The following CYTH1 variants were observed in gnomAD, a reference collection of about 807,000 sequenced individuals.
The protein encoded by CYTH1 is cytohesin 1.
Under a neutral mutation model 61.8 loss-of-function variants are expected in CYTH1, and 18 were observed. The ratio of observed to expected loss-of-function variants is 0.29; its 90% CI spans 0.20 to 0.43. The LOEUF is 0.43. Ranked by LOEUF, CYTH1 falls within the 20% of genes least tolerant of loss-of-function variation. The pLI is 1.00. For missense variants in CYTH1, 336 were observed against 510.5 expected, an observed-to-expected ratio of 0.66 and a Z score of 3.29; for synonymous variants, 174 against 184.3, an observed-to-expected ratio of 0.94 and a Z score of 0.45.
chr17:78,716,487 A>G (rs895463928), intron 1 of CYTH1, among the ~76,000 whole-genome samples: 5 of 152,110 alleles, frequency 3.3e-5, no homozygotes, highest in African/African-American at 9.7e-5. Flanking sequence ...TTTTGATCCA[A>G]TCTCCTGACA....
At position 78,698,507 on chromosome 17, in the gene CYTH1, TAGA is replaced by T. The variant is rs1163013862; in HGVS notation, c.700-130_700-128del. On this transcript the variant is annotated intron_variant, in intron 8 of 13. Transcript: ENST00000446868. The stretch of plus-strand genomic sequence containing the variant: ...AGCCAAGCCTGCTAGATGCTGAGAC[TAGA>T]AGATTATGACCATTTCTGCTTTCAG... 1.4e-5 allele frequency: 11 copies of T among 758,890 alleles called. No homozygotes were observed. In the East Asian group the frequency reaches 2.4e-4, roughly 16 times the overall value. The allele number at this position is 758,890 out of a possible 1,614,324, so 47.0% of individuals were successfully genotyped here. A position where few individuals can be genotyped will look rare whatever the true frequency, so the allele number is the denominator to read the frequency against.
chr17:78,758,366 C>T (rs1444572545), intron 1 of CYTH1, among the ~76,000 whole-genome samples: 1 of 152,168 alleles, frequency 6.6e-6, no homozygotes, highest in Non-Finnish European at 1.5e-5. Flanking sequence ...GACATGCCCC[C>T]ATTGAGGAGA....
intron 1 of CYTH1, 62 bp downstream of exon 1, chr17:78,782,140 C>T: frequency 8.0e-7 from 1 of 1,249,320 alleles, no homozygotes; most frequent in Non-Finnish European, 1.0e-6. Context: ...TGCCGGACGG[C>T]CGGGCCCGGA....
chr17:78,706,908 C>G (rs2093072740), intron 3 of CYTH1, among the ~76,000 whole-genome samples: 1 of 152,192 alleles, frequency 6.6e-6, no homozygotes, highest in Non-Finnish European at 1.5e-5. Context: ...GGCTGCCTTT[C>G]TATCATATAT....
At chr17:78,781,449 G>A (rs746150682) in intron 1 of CYTH1, among the ~76,000 whole-genome samples, 3 of 152,212 alleles carry the variant, frequency 2.0e-5, no homozygotes, top group African/African-American at 4.8e-5. Context: ...CGAAGGGAGC[G>A]GGACAGCGGC....
Position 78,680,206 on chromosome 17 carries a change from A to C in CYTH1, c.1102T>G (p.Trp368Gly). 1 of 1,612,870 alleles carries C rather than the reference A, an allele frequency of 6.2e-7. No individual in the cohort carries two copies. The highest frequency in any genetic ancestry group is 1.7e-5 in the Admixed American group (1 of 59,904). The change falls in exon 13 of 14, where the codon TGG becomes GGG. Residue 368 changes from tryptophan (W) to glycine (G), a missense_variant. Physicochemically the swap from Trp to Gly is radical, Grantham distance 184. Around this residue, in one of 4 missense-constraint regions of CYTH1, gnomAD observed 83 missense variants for 115.6 expected, o/e 0.72. Coordinates refer to ENST00000446868, the MANE Select transcript of CYTH1 (RefSeq NM_004762.6). ...SAPTPEEKEE[W>G]IKCIKAAISR... is the part of the protein sequence containing the mutation. Reference sequence around the variant, plus strand: ...GTCACTTACTTAATGCACTTAATCCACTCCTCCTTCTCCTCGGGCGTCGGA... The same window carrying C: ...GTCACTTACTTAATGCACTTAATCCCCTCCTCCTTCTCCTCGGGCGTCGGA...
chr17:78,718,368 G>GT (rs2093201078), intron 1 of CYTH1, among the ~76,000 whole-genome samples: 2 of 152,072 alleles, frequency 1.3e-5, no homozygotes, highest in Non-Finnish European at 2.9e-5. Flanking sequence ...ACTACCACCT[G>GT]CTCAGAGGAG....
At chr17:78,742,923 GATT>G (rs2093346756) in intron 1 of CYTH1, among the ~76,000 whole-genome samples, 1 of 152,116 alleles carries the variant, frequency 6.6e-6, no homozygotes, top group South Asian at 2.1e-4. Flanking sequence ...GCACAGTGTG[GATT>G]ATCATTTAAA....
chr17:78,682,726 G>A (rs2092776146), intron 11 of CYTH1, among the ~76,000 whole-genome samples: 1 of 152,208 alleles, frequency 6.6e-6, no homozygotes, highest in Non-Finnish European at 1.5e-5. Context: ...CCTGCCTTCA[G>A]CATTCAATAT....
chr17:78,761,446 C>G (rs1484204706), intron 1 of CYTH1, among the ~76,000 whole-genome samples: 1 of 152,100 alleles, frequency 6.6e-6, no homozygotes, highest in Non-Finnish European at 1.5e-5. Context: ...CTTTAAAAAT[C>G]AAGAGGCAGG....
At chr17:78,757,149 T>C (rs1216332205) in intron 1 of CYTH1, among the ~76,000 whole-genome samples, 1 of 152,018 alleles carries the variant, frequency 6.6e-6, no homozygotes, top group Non-Finnish European at 1.5e-5. Context: ...AAGGTTTCAC[T>C]GTGTTAGCCA....
intron 13 of CYTH1, chr17:78,677,353 G>C (rs1039535543): frequency 1.6e-5 from 4 of 244,800 alleles, no homozygotes; most frequent in African/African-American, 9.3e-5. Context: ...AGGCGATGAG[G>C]GGGGCTGGGC....
At chr17:78,727,124 C>T (rs779033428) in intron 1 of CYTH1, among the ~76,000 whole-genome samples, 4 of 152,206 alleles carry the variant, frequency 2.6e-5, no homozygotes, top group Non-Finnish European at 5.9e-5. Context: ...GCAGTTTCAT[C>T]AGCATCCCAA....
At chr17:78,689,499 T>C (rs2092853719) in intron 11 of CYTH1, among the ~76,000 whole-genome samples, 1 of 152,160 alleles carries the variant, frequency 6.6e-6, no homozygotes, top group African/African-American at 2.4e-5. Context: ...TCTGACAGGA[T>C]GTGGAGCTCA....
chr17:78,730,531 C>T (rs1228751420), intron 1 of CYTH1, among the ~76,000 whole-genome samples: 3 of 148,980 alleles, frequency 2.0e-5, no homozygotes, highest in East Asian at 4.0e-4. Context: ...AGCGAGACTC[C>T]GTCTCAAAAA....
chr17:78,704,547 G>C (rs1057451687), intron 3 of CYTH1, among the ~76,000 whole-genome samples: 1 of 152,144 alleles, frequency 6.6e-6, no homozygotes, highest in Non-Finnish European at 1.5e-5. Context: ...TACAGGCAGG[G>C]TCTTGCTCTG....
chr17:78,704,944 C>A (rs935649292), intron 3 of CYTH1, among the ~76,000 whole-genome samples: 2 of 152,180 alleles, frequency 1.3e-5, no homozygotes, highest in Non-Finnish European at 2.9e-5. Flanking sequence ...GGGGAAACAC[C>A]ATTTAATTTC....
chr17:78,766,699 CAGA>C (rs1389257384), intron 1 of CYTH1, among the ~76,000 whole-genome samples: 1 of 152,146 alleles, frequency 6.6e-6, no homozygotes, highest in Non-Finnish European at 1.5e-5. Context: ...TATCCACTCC[CAGA>C]AGAAAGAACG....
rs138500101 is a variant in CYTH1 at position 78,756,335 on chromosome 17, C to T, written c.22+25867G>A. Among the ~76,000 whole-genome samples the T allele has an allele frequency of 6.7e-3, 1,020 of 152,170 alleles. 6 individuals carry two copies. The highest frequency in any genetic ancestry group is 0.011 in the Non-Finnish European group (775 of 68,006). ...AAGTGATCCACTCGCCTCGGCCTCTCGAAGTGCTGGGATTACAGGCATGAG... is the reference window on the plus strand; with the variant it reads ...AAGTGATCCACTCGCCTCGGCCTCTTGAAGTGCTGGGATTACAGGCATGAG... On this transcript the variant is annotated intron_variant, in intron 1 of 13. Transcript: ENST00000446868.
Sources: gnomAD v4.1 joint callset for allele counts (sites outside exome capture counted in the v4.1 genomes callset) on GRCh38, gnomAD v4.1.1 for gene constraint, gnomAD v4.1.1 regional missense constraint, MANE v1.5 for transcripts, NCBI Gene and HGNC (gene_info 2026-07-23, HGNC 2026-07-21) for gene names.